The following SF3A3 variants were observed in gnomAD, a reference collection of about 807,000 sequenced individuals.
The protein encoded by SF3A3 is SAP 61.
SF3A3 carries 9 observed loss-of-function variants against 85.8 expected under a neutral mutation model. The observed-to-expected ratio is 0.10, with a 90% CI of 0.06 to 0.18. The LOEUF is 0.18. Among genes scored for constraint, SF3A3 ranks in the 10% least tolerant of loss-of-function variants. The probability of loss-of-function intolerance (pLI) is 1.00; values close to 1 mark genes in which losing one functional copy is unlikely to be tolerated. For missense variants in SF3A3, 306 were observed against 593.3 expected, an observed-to-expected ratio of 0.52 and a Z score of 5.03; for synonymous variants, 195 against 204.4, an observed-to-expected ratio of 0.95 and a Z score of 0.39.
Position 37,989,559 on chromosome 1 carries a change from C to T in SF3A3, c.133G>A (p.Ala45Thr), listed in dbSNP as rs1364673028. ...AGCTGGGCACTCACATCTTGCATGG[C>T]CCGAGTGCGGTGATCAGAATTGATC... ...DQINSDHRTR[A>T]MQDRYMEVSG... Residue 45 changes from alanine (A) to threonine (T), a missense_variant, in exon 2 of 17, where the codon GCC becomes ACC. Ala to Thr is a moderately conservative substitution (Grantham distance 58, BLOSUM62 0). Transcript: ENST00000373019. 9 of 1,613,966 alleles carry T rather than the reference C, an allele frequency of 5.6e-6. No individual in the cohort carries two copies. The highest frequency in any genetic ancestry group is 1.7e-5 in the Admixed American group (1 of 59,924).
intron 15 of SF3A3, chr1:37,960,383 A>G (rs1415668346): frequency 7.9e-6 from 4 of 509,540 alleles, no homozygotes; most frequent in Non-Finnish European, 1.4e-5. Context: ...TTGCTTTGCT[A>G]TAAAAGTTGG....
intron 11 of SF3A3, 69 bp downstream of exon 11, chr1:37,978,648 ACTG>A: frequency 2.2e-6 from 2 of 927,536 alleles, no homozygotes; most frequent in Non-Finnish European, 3.3e-6. Flanking sequence ...TAAAGTCTCC[ACTG>A]TGGTTAAAAA....
At position 37,978,732 on chromosome 1, in the gene SF3A3, T is replaced by G. The variant is rs1222854709; in HGVS notation, c.923A>C (p.Lys308Thr). The stretch of plus-strand genomic sequence containing the variant: ...CCCAGCCACTCACCGCTTGGTGCCC[T>G]TTGACTTGGGATTTTTGGCAAACAA... The part of the protein sequence containing the change: ...TSLFAKNPKS[K>T]GTKRDTERNK... Residue 308 changes from lysine (K) to threonine (T), a missense_variant, in exon 11 of 17, where the codon AAG becomes ACG. By Grantham distance (78) the Lys-to-Thr change is moderately conservative. Coordinates refer to ENST00000373019, the MANE Select transcript of SF3A3 (RefSeq NM_006802.4). 9 of 1,560,620 alleles carry G rather than the reference T, an allele frequency of 5.8e-6. No individual in the cohort carries two copies. The highest frequency in any genetic ancestry group is 2.4e-5 in the South Asian group (2 of 84,922).
chr1:37,970,453 G>C (rs1416304608), intron 12 of SF3A3, among the ~76,000 whole-genome samples: 1 of 152,006 alleles, frequency 6.6e-6, no homozygotes, highest in Non-Finnish European at 1.5e-5. Context: ...AGATCAACGA[G>C]ACAAAGTTAA....
chr1:37,968,013 G>A (rs773095082), intron 15 of SF3A3, 31 bp downstream of exon 15: 13 of 1,382,192 alleles, frequency 9.4e-6, no homozygotes, highest in East Asian at 4.6e-5. Context: ...ATTTGTACTC[G>A]CCTAGGAGAC....
At chr1:37,982,920 C>G (rs1646429756) in intron 6 of SF3A3, among the ~76,000 whole-genome samples, 1 of 151,546 alleles carries the variant, frequency 6.6e-6, no homozygotes, top group African/African-American at 2.4e-5. Context: ...TACAGTGAAA[C>G]CCTATTTCTA....
At chr1:37,988,960 T>C (rs192636739) in intron 2 of SF3A3, among the ~76,000 whole-genome samples, 175 of 151,876 alleles carry the variant, frequency 1.2e-3, no homozygotes, top group African/African-American at 3.6e-3. Context: ...TTCATAACTA[T>C]TGTTTGCACA....
chr1:37,978,813 C>T lies in SF3A3; in HGVS notation c.842G>A (p.Arg281Gln). The change falls in exon 11 of 17, where the codon CGA becomes CAA. Residue 281 changes from arginine to glutamine, a missense_variant. Physicochemically the swap from Arg to Gln is conservative, Grantham distance 43. Coordinates refer to ENST00000373019, the MANE Select transcript of SF3A3 (RefSeq NM_006802.4). The stretch of plus-strand genomic sequence containing the variant: ...TTTGGTACTGAATAGTCTCTGGGCT[C>T]GCTCTTCTAGGGTCCTAAGGAGACA... ...GLKCGGTLEE[R>Q]AQRLFSTKGK... 1 of 1,572,746 alleles carries T rather than the reference C, an allele frequency of 6.4e-7. No homozygotes were observed. The highest frequency in any genetic ancestry group is 8.6e-7 in the Non-Finnish European group (1 of 1,157,300).
At position 37,984,344 on chromosome 1, in the gene SF3A3, A is replaced by T. The variant is rs1646440736; in HGVS notation, c.377-84T>A. 4 of 774,982 alleles carry T rather than the reference A, an allele frequency of 5.2e-6. No homozygotes were observed. The South Asian group carries it at 6.1e-5, about 12-fold the overall frequency. The allele number at this position is 774,982 out of a possible 1,614,324, so 48.0% of individuals were successfully genotyped here. A position where few individuals can be genotyped will look rare whatever the true frequency, so the allele number is the denominator to read the frequency against. ...CTTTTCAAATGGACTGTGTGTTCCT[A>T]GTTTCCTGAGGCAGCACTTCACCCA... On this transcript the variant is annotated intron_variant, in intron 5 of 16. Transcript: ENST00000373019.
chr1:37,989,314 A>G (rs947968676), intron 2 of SF3A3, among the ~76,000 whole-genome samples: 2 of 151,948 alleles, frequency 1.3e-5, no homozygotes, highest in African/African-American at 4.8e-5. Context: ...GAAGAAGAAA[A>G]AAAAAAAGGG....
chr1:37,984,548 C>T (rs140619183), intron 5 of SF3A3, among the ~76,000 whole-genome samples, 159 bp downstream of exon 5: 1 of 152,290 alleles, frequency 6.6e-6, no homozygotes, highest in East Asian at 1.9e-4. Flanking sequence ...ACATTTTGCC[C>T]AAGACCAACT....
chr1:37,987,951 G>C, intron 2 of SF3A3, 115 bp from the exon 3 acceptor site: 1 of 835,832 alleles, frequency 1.2e-6, no homozygotes, highest in Non-Finnish European at 2.1e-6. Context: ...ACATGGATAT[G>C]AGATAGTCTT....
intron 16 of SF3A3, among the ~76,000 whole-genome samples, chr1:37,958,828 A>G (rs989059446): frequency 6.6e-6 from 1 of 152,226 alleles, no homozygotes; most frequent in Non-Finnish European, 1.5e-5. Flanking sequence ...GTCAGTTACT[A>G]TGGGACTTGG....
intron 2 of SF3A3, among the ~76,000 whole-genome samples, chr1:37,988,856 G>GTT (rs199817358): frequency 0.067 from 9,439 of 140,738 alleles, 392 homozygotes; most frequent in South Asian, 0.11. Flanking sequence ...TACGGGGTGT[G>GTT]TTGTGTGTGT....
intron 6 of SF3A3, among the ~76,000 whole-genome samples, chr1:37,982,392 C>T (rs1361165463): frequency 2.0e-5 from 3 of 148,058 alleles, no homozygotes; most frequent in East Asian, 2.0e-4. Context: ...TTTTTTGAGA[C>T]GGAGTTTGGC....
At chr1:37,976,078 C>T (rs1021638313) in intron 12 of SF3A3, among the ~76,000 whole-genome samples, 1 of 151,702 alleles carries the variant, frequency 6.6e-6, no homozygotes, top group Non-Finnish European at 1.5e-5. Context: ...CTTGCTTGAA[C>T]CCTGGAGGTG....
At position 37,960,162 on chromosome 1, in the gene SF3A3, C is replaced by T. The variant is rs138351541; in HGVS notation, c.1386G>A (p.Leu462=). The change falls in exon 16 of 17, where the codon CTG becomes CTA. Residue 462 remains leucine (L), a synonymous_variant. Transcript: ENST00000373019. ...IEDAVSLWAK[L]KLQKASERWQ... is the part of the protein sequence containing the mutation. ...ATCGTTCTGAAGCCTTCTGCAATTT[C>T]AGTTTGGCCCACACTGCAGGATGAG... 21 of 1,614,028 alleles carry T rather than the reference C, an allele frequency of 1.3e-5. No individual in the cohort carries two copies. In the African/African-American group the frequency reaches 2.7e-4, roughly 20 times the overall value.
At chr1:37,984,558 T>C (rs1646442223) in intron 5 of SF3A3, 149 bp downstream of exon 5, 3 of 664,438 alleles carry the variant, frequency 4.5e-6, no homozygotes, top group Non-Finnish European at 8.0e-6. Flanking sequence ...CAAGACCAAC[T>C]TAGGATGTCA....
chr1:37,979,374 C>A, intron 9 of SF3A3, 91 bp downstream of exon 9: 2 of 1,016,444 alleles, frequency 2.0e-6, no homozygotes, highest in South Asian at 1.5e-5. Context: ...TGCCTTATCA[C>A]AACACAACCA....
Sources: gnomAD v4.1 joint callset for allele counts (sites outside exome capture counted in the v4.1 genomes callset) on GRCh38, gnomAD v4.1.1 for gene constraint, MANE v1.5 for transcripts, NCBI Gene and HGNC (gene_info 2026-07-23, HGNC 2026-07-21) for gene names.